PGM5: variants seen among roughly 807,000 people sequenced by gnomAD.
PGM5 encodes the protein phosphoglucomutase 5, also known as phosphoglucomutase-like protein 5.
A neutral mutation model predicts 59.2 loss-of-function variants in PGM5; 23 were observed. The observed-to-expected ratio is 0.39, with a 90% CI of 0.28 to 0.55. The LOEUF is 0.55. PGM5 is among the 20% of genes least tolerant of loss of function. The probability of loss-of-function intolerance (pLI) is 0.66; values close to 1 mark genes in which losing one functional copy is unlikely to be tolerated. For missense variants in PGM5, 574 were observed against 748.3 expected (o/e 0.77, Z 2.72); for synonymous variants, 214 against 286.0 (o/e 0.75, Z 2.54).
intron 9 of PGM5, among the ~76,000 whole-genome samples, chr9:68,485,441 T>G (rs1824279256): frequency 6.6e-6 from 1 of 152,094 alleles, no homozygotes; most frequent in African/African-American, 2.4e-5. Context: ...TCCTGTGCAG[T>G]CTTGTGGTAG....
chr9:68,368,975 G>A (rs1834733503), intron 1 of PGM5, among the ~76,000 whole-genome samples: 1 of 152,252 alleles, frequency 6.6e-6, no homozygotes, highest in Admixed American at 6.5e-5. Context: ...CTACAGTGTG[G>A]GTTTAGTCCT....
intron 10 of PGM5, among the ~76,000 whole-genome samples, chr9:68,529,181 G>T (rs972594692): frequency 6.6e-6 from 1 of 151,148 alleles, no homozygotes; most frequent in African/African-American, 2.4e-5. Flanking sequence ...GTGTGTGTGT[G>T]TGTGTGTGTG....
At chr9:68,522,487 G>T (rs1308031839) in intron 10 of PGM5, among the ~76,000 whole-genome samples, 12 of 152,204 alleles carry the variant, frequency 7.9e-5, no homozygotes, top group Admixed American at 7.9e-4. Flanking sequence ...GCAGGAAAGA[G>T]AAGGTGGAAC....
In PGM5 at chr9:68,376,900, C is replaced by CTTTCTTTTTTTCTTTCTT. The variant is rs1563985085; in HGVS notation, c.262-1298_262-1297insTTCTTTTTTTCTTTCTTT. Among the ~76,000 whole-genome samples, 10 of 105,262 alleles carry CTTTCTTTTTTTCTTTCTT rather than the reference C, an allele frequency of 9.5e-5. 1 individual carries two copies. Among genetic ancestry groups the CTTTCTTTTTTTCTTTCTT allele is most frequent in the African/African-American group, 2.2e-4 (6 of 27,238 alleles). 69.1% of individuals were successfully genotyped at this position (105,262 alleles called of 152,430 possible). On this transcript the variant is annotated intron_variant, in intron 1 of 10. Transcript: ENST00000396396. ...TTTCTTTCTTTTTTTCTTTCTTTCTCTCTCTTTCTTTCTTTCTTTTTCTTT... is the reference window on the plus strand; with the variant it reads ...TTTCTTTCTTTTTTTCTTTCTTTCTCTTTCTTTTTTTCTTTCTTTCTCTTTCTTTCTTTCTTTTTCTTT...
chr9:68,488,039 A>G (rs1824325485), intron 9 of PGM5, among the ~76,000 whole-genome samples: 1 of 152,246 alleles, frequency 6.6e-6, no homozygotes, highest in Admixed American at 6.5e-5. Context: ...CTGGCACATA[A>G]CAAATGATAA....
At chr9:68,369,686 C>T (rs1245458094) in intron 1 of PGM5, among the ~76,000 whole-genome samples, 7 of 152,122 alleles carry the variant, frequency 4.6e-5, no homozygotes, top group African/African-American at 1.2e-4. Flanking sequence ...TGTGACTTTT[C>T]GGCACTTATT....
intron 6 of PGM5, among the ~76,000 whole-genome samples, chr9:68,456,870 C>CCCT (rs1305198378): frequency 6.6e-6 from 1 of 152,124 alleles, no homozygotes; most frequent in African/African-American, 2.4e-5. Context: ...AGGTGATCTA[C>CCCT]CCTCCTCGGC....
chr9:68,399,083 C>T (rs1480781060), intron 6 of PGM5: 2 of 152,044 alleles, frequency 1.3e-5, no homozygotes, highest in African/African-American at 4.8e-5. Flanking sequence ...GATTTCTTAC[C>T]TTTTTTTCCA....
intron 6 of PGM5, among the ~76,000 whole-genome samples, chr9:68,454,230 C>G (rs562931498): frequency 1.3e-5 from 2 of 152,314 alleles, no homozygotes; most frequent in African/African-American, 2.4e-5. Flanking sequence ...CCAAGCAGCC[C>G]TATCCACACA....
rs572502570 is a variant in PGM5, at chr9:68,357,014, G to C, written c.-114G>C. On this transcript the variant is annotated 5_prime_UTR_variant, in exon 1 of 11. Coordinates refer to ENST00000396396, the MANE Select transcript of PGM5 (RefSeq NM_021965.4). ...CGCAGGGCGCCGACCTGCTGGAGAG[G>C]GGGCCCGGGCGCGAGGCGGAGTCCC... is the stretch of plus-strand genomic sequence containing the variant. 2.0e-3 allele frequency: 2,247 copies of C among 1,149,660 alleles called. 37 individuals are homozygous for C. In the African/African-American group the frequency reaches 0.034, roughly 18 times the overall value. 71.2% of individuals were successfully genotyped at this position (1,149,660 alleles called of 1,614,324 possible).
chr9:68,503,913 G>A (rs1300221961), intron 10 of PGM5, among the ~76,000 whole-genome samples: 16 of 152,140 alleles, frequency 1.1e-4, no homozygotes, highest in African/African-American at 1.9e-4. Flanking sequence ...ACTAATTACC[G>A]GCCAATCACC....
intron 6 of PGM5, among the ~76,000 whole-genome samples, chr9:68,399,548 A>G (rs1304015564): frequency 1.3e-4 from 19 of 151,340 alleles, no homozygotes; most frequent in African/African-American, 4.6e-4. Flanking sequence ...CATGTCTCAC[A>G]TTACTAATGA....
intron 6 of PGM5, among the ~76,000 whole-genome samples, chr9:68,411,087 A>G (rs184833498): frequency 1.9e-3 from 292 of 152,318 alleles, no homozygotes; most frequent in Middle Eastern, 3.4e-3. Flanking sequence ...AAACTTTTCC[A>G]GAAGTCCTCC....
chr9:68,429,598 A>C (rs1167765169), intron 6 of PGM5, among the ~76,000 whole-genome samples: 1 of 119,882 alleles, frequency 8.3e-6, no homozygotes, highest in Non-Finnish European at 1.9e-5. Context: ...TGTTTTTGGA[A>C]GCTAAATGAA....
chr9:68,467,085 C>T lies in PGM5; in HGVS notation c.1159+1877C>T, dbSNP rs138846401. Among the ~76,000 whole-genome samples the T allele has an allele frequency of 4.4e-3, 676 of 152,280 alleles. 2 individuals are homozygous for T. Among genetic ancestry groups the T allele is most frequent in the Middle Eastern group, 0.01 (3 of 294 alleles). On this transcript the variant is annotated intron_variant, in intron 7 of 10. Coordinates refer to ENST00000396396, the MANE Select transcript of PGM5 (RefSeq NM_021965.4). ...TTTGGGGGAGCAGAAGGGCTTCATCCTTGTCTCCCAGTGACAGCTGATCGT... is the reference window on the plus strand; with the variant it reads ...TTTGGGGGAGCAGAAGGGCTTCATCTTTGTCTCCCAGTGACAGCTGATCGT...
chr9:68,465,265 C>A, intron 7 of PGM5, 57 bp downstream of exon 7: 1 of 1,127,038 alleles, frequency 8.9e-7, no homozygotes, highest in Non-Finnish European at 1.3e-6. Flanking sequence ...TTTGTGATCT[C>A]AGTTTGGAGA....
intron 9 of PGM5, among the ~76,000 whole-genome samples, chr9:68,486,077 T>C (rs1824290038): frequency 6.6e-6 from 1 of 152,166 alleles, no homozygotes; most frequent in Non-Finnish European, 1.5e-5. Context: ...TTAGGTAACA[T>C]AGTGCAAAAT....
intron 10 of PGM5, among the ~76,000 whole-genome samples, chr9:68,513,887 T>C (rs1214924617): frequency 6.6e-6 from 1 of 152,246 alleles, no homozygotes; most frequent in Non-Finnish European, 1.5e-5. Flanking sequence ...AGCCGCTGGC[T>C]CTGACTCATA....
chr9:68,377,597 C>T (rs1554677914), intron 1 of PGM5, among the ~76,000 whole-genome samples: 1 of 152,098 alleles, frequency 6.6e-6, no homozygotes, highest in Non-Finnish European at 1.5e-5. Flanking sequence ...CCATGAATGA[C>T]CTCCAGATCT....
Sources: gnomAD v4.1 joint callset for allele counts (sites outside exome capture counted in the v4.1 genomes callset) on GRCh38, gnomAD v4.1.1 for gene constraint, MANE v1.5 for transcripts, NCBI Gene and HGNC (gene_info 2026-07-23, HGNC 2026-07-21) for gene names.